HCN1: variants seen among roughly 807,000 people sequenced by gnomAD.
HCN1 encodes the protein potassium/sodium hyperpolarization-activated cyclic nucleotide-gated channel 1.
Under a neutral mutation model 78.9 loss-of-function variants are expected in HCN1, and 13 were observed. That is an observed-to-expected ratio of 0.16 (90% confidence interval 0.11 to 0.26). The LOEUF (loss-of-function observed/expected upper bound fraction) is 0.26. Among genes scored for constraint, HCN1 ranks in the 10% least tolerant of loss-of-function variants. The pLI, the probability that HCN1 is intolerant of heterozygous loss-of-function variation, is 1.00. For missense variants in HCN1, 810 were observed against 1,154.3 expected, an observed-to-expected ratio of 0.70 and a Z score of 4.32; for synonymous variants, 552 against 455.5, an observed-to-expected ratio of 1.21 and a Z score of -2.70.
At chr5:45,328,048 A>T in intron 5 of HCN1, among the ~76,000 whole-genome samples, 1 of 151,714 alleles carries the variant, frequency 6.6e-6, no homozygotes, top group East Asian at 1.9e-4. Context: ...ATCTGCCAAG[A>T]TGTATCAGTA....
chr5:45,481,715 G>A (rs1270106357), intron 2 of HCN1, among the ~76,000 whole-genome samples: 3 of 152,206 alleles, frequency 2.0e-5, no homozygotes, highest in East Asian at 1.9e-4. Context: ...TTCCTCTCTC[G>A]CTCCATACCA....
intron 2 of HCN1, among the ~76,000 whole-genome samples, chr5:45,609,261 G>A (rs1744786680): frequency 6.6e-6 from 1 of 152,040 alleles, no homozygotes; most frequent in East Asian, 1.9e-4. Flanking sequence ...TACACAAGAA[G>A]ACATGTAAAA....
At chr5:45,491,340 T>C (rs747813096) in intron 2 of HCN1, among the ~76,000 whole-genome samples, 3 of 152,148 alleles carry the variant, frequency 2.0e-5, no homozygotes, top group Non-Finnish European at 4.4e-5. Flanking sequence ...ACAATGTTTC[T>C]ACAATTGGTG....
chr5:45,295,836 T>C (rs1745480851), intron 6 of HCN1, among the ~76,000 whole-genome samples: 1 of 152,130 alleles, frequency 6.6e-6, no homozygotes, highest in African/African-American at 2.4e-5. Flanking sequence ...TAGTATAGTA[T>C]AAAATTTGGT....
chr5:45,565,969 G>A (rs1026981281), intron 2 of HCN1, among the ~76,000 whole-genome samples: 3 of 152,120 alleles, frequency 2.0e-5, no homozygotes, highest in Non-Finnish European at 4.4e-5. Flanking sequence ...TGTGTTCTCA[G>A]AGTAACTTGA....
chr5:45,512,168 A>G (rs1742429435), intron 2 of HCN1, among the ~76,000 whole-genome samples: 2 of 152,068 alleles, frequency 1.3e-5, no homozygotes. Flanking sequence ...ACTCTCATAA[A>G]TTTGAGAATA....
chr5:45,563,537 A>T (rs958115897), intron 2 of HCN1, among the ~76,000 whole-genome samples: 4 of 152,150 alleles, frequency 2.6e-5, no homozygotes, highest in African/African-American at 9.6e-5. Flanking sequence ...CAATATGTTG[A>T]AAGTGATATA....
chr5:45,454,948 G>T (rs541182086), intron 3 of HCN1, among the ~76,000 whole-genome samples: 2 of 152,126 alleles, frequency 1.3e-5, no homozygotes, highest in Admixed American at 1.3e-4. Flanking sequence ...GATGATTATA[G>T]TTTTTGAGCT....
chr5:45,635,577 A>C (rs913780045), intron 2 of HCN1, among the ~76,000 whole-genome samples: 1 of 152,148 alleles, frequency 6.6e-6, no homozygotes, highest in Non-Finnish European at 1.5e-5. Flanking sequence ...TAATAAGAAA[A>C]AGAATTTAGC....
At chr5:45,590,781 C>T (rs1028113702) in intron 2 of HCN1, among the ~76,000 whole-genome samples, 1 of 152,156 alleles carries the variant, frequency 6.6e-6, no homozygotes, top group African/African-American at 2.4e-5. Flanking sequence ...TATGCATTTA[C>T]TCTTCCTCCA....
At chr5:45,515,322 G>C (rs1483313) in intron 2 of HCN1, among the ~76,000 whole-genome samples, 37,156 of 151,674 alleles carry the variant, frequency 0.24, 4,664 homozygotes, top group East Asian at 0.32. Context: ...TATCAAACTA[G>C]GAAACCTAAA....
chr5:45,670,925 G>A (rs916488201), intron 1 of HCN1, among the ~76,000 whole-genome samples: 1 of 151,372 alleles, frequency 6.6e-6, no homozygotes, highest in Non-Finnish European at 1.5e-5. Flanking sequence ...ATAAATCTCG[G>A]TTACTTTATT....
chr5:45,359,434 TCA>T (rs1444019209), intron 4 of HCN1, among the ~76,000 whole-genome samples: 4 of 150,258 alleles, frequency 2.7e-5, no homozygotes, highest in Non-Finnish European at 5.9e-5. Flanking sequence ...TATATATATA[TCA>T]CCTGATTTAT....
At chr5:45,443,244 C>T (rs1740718684) in intron 3 of HCN1, among the ~76,000 whole-genome samples, 2 of 152,026 alleles carry the variant, frequency 1.3e-5, no homozygotes. Flanking sequence ...GCATTAATTC[C>T]ATAGCCAAGA....
chr5:45,556,392 T>C (rs1438503332), intron 2 of HCN1, among the ~76,000 whole-genome samples: 1 of 151,958 alleles, frequency 6.6e-6, no homozygotes, highest in Non-Finnish European at 1.5e-5. Context: ...CCTACTAAAA[T>C]TACCTTGATA....
At chr5:45,292,580 T>C (rs141023333) in intron 6 of HCN1, among the ~76,000 whole-genome samples, 4 of 152,136 alleles carry the variant, frequency 2.6e-5, no homozygotes, top group Admixed American at 6.5e-5. Flanking sequence ...AGAAATCATC[T>C]GGTATGTTTC....
In HCN1 at chr5:45,501,473, C is replaced by T. The variant is rs1266842452; in HGVS notation, c.850-39466G>A. 4.0e-5 allele frequency among the ~76,000 whole-genome samples: 6 copies of T among 151,756 alleles called. No homozygotes were observed. The East Asian group carries it at 5.8e-4, about 15-fold the overall frequency. ...TTTTGAGACGGAGTCTTGCTCTTGTCGCCCAGGCTGGAGTGTAGTGGCGTG... is the reference window on the plus strand; with the variant it reads ...TTTTGAGACGGAGTCTTGCTCTTGTTGCCCAGGCTGGAGTGTAGTGGCGTG... On this transcript the variant is annotated intron_variant, in intron 2 of 7. Coordinates refer to ENST00000303230, the MANE Select transcript of HCN1 (RefSeq NM_021072.4).
intron 4 of HCN1, among the ~76,000 whole-genome samples, chr5:45,383,259 G>A (rs1187375679): frequency 6.6e-6 from 1 of 152,100 alleles, no homozygotes; most frequent in Non-Finnish European, 1.5e-5. Flanking sequence ...CTGGTAATTT[G>A]TTATAGATTA....
chr5:45,393,609 A>G (rs932281983), intron 4 of HCN1, among the ~76,000 whole-genome samples: 1 of 152,182 alleles, frequency 6.6e-6, no homozygotes, highest in African/African-American at 2.4e-5. Context: ...GGCATGTTAA[A>G]TCTTCAGGGC....
Sources: gnomAD v4.1 joint callset for allele counts (sites outside exome capture counted in the v4.1 genomes callset) on GRCh38, gnomAD v4.1.1 for gene constraint, MANE v1.5 for transcripts, NCBI Gene and HGNC (gene_info 2026-07-23, HGNC 2026-07-21) for gene names.